Variants in ANO6 observed in about 807,000 individuals in gnomAD.
ANO6 encodes anoctamin 6.
A neutral mutation model predicts 117.5 loss-of-function variants in ANO6; 106 were observed. The observed-to-expected ratio is 0.90, with a 90% CI of 0.77 to 1.06. ANO6 has a LOEUF of 1.06. ANO6 is among the 50% of genes least tolerant of loss of function. The pLI is 0.00. For missense variants in ANO6, 955 were observed against 1,121.1 expected (o/e 0.85, Z 2.12); for synonymous variants, 367 against 385.1 (o/e 0.95, Z 0.55).
chr12:45,413,415 A>G (rs1265045882), intron 16 of ANO6, among the ~76,000 whole-genome samples: 1 of 152,244 alleles, frequency 6.6e-6, no homozygotes, highest in Admixed American at 6.5e-5. Flanking sequence ...TCTCTAGGAA[A>G]TGCCTAAGTG....
In ANO6 at chr12:45,401,854, T is replaced by C. The variant is rs1592021560; in HGVS notation, c.1446T>C (p.Ile482=). The change falls in exon 13 of 20, where the codon ATT becomes ATC. Residue 482 remains isoleucine (I), a synonymous_variant. Transcript: ENST00000320560. ...GIIVYRLSVF[I]VFSAKLPKNI... ...TTGTCTATAGGCTCTCGGTGTTCAT[T>C]GTATTTTCTGCAAAACTTCCCAAGA... The C allele has an allele frequency of 1.2e-6, 2 of 1,614,052 alleles. No homozygotes were observed. Among genetic ancestry groups the C allele is most frequent in the Non-Finnish European group, 1.7e-6 (2 of 1,180,004 alleles).
chr12:45,338,283 G>C (rs1940883278), intron 3 of ANO6, among the ~76,000 whole-genome samples: 1 of 152,084 alleles, frequency 6.6e-6, no homozygotes, highest in Non-Finnish European at 1.5e-5. Context: ...TAAAGAGGAA[G>C]GCATGATTGC....
intron 12 of ANO6, among the ~76,000 whole-genome samples, chr12:45,397,578 A>G (rs1942655825): frequency 6.6e-6 from 1 of 152,248 alleles, no homozygotes; most frequent in African/African-American, 2.4e-5. Flanking sequence ...AAGACTTGGA[A>G]CCAACCCAAA....
intron 1 of ANO6, among the ~76,000 whole-genome samples, chr12:45,253,216 C>T (rs969728776): frequency 6.6e-6 from 1 of 152,164 alleles, no homozygotes; most frequent in Non-Finnish European, 1.5e-5. Flanking sequence ...ATAAGTATTA[C>T]ATTGTCACTG....
intron 7 of ANO6, among the ~76,000 whole-genome samples, chr12:45,352,800 A>C (rs534199644): frequency 6.6e-6 from 1 of 152,130 alleles, no homozygotes; most frequent in Admixed American, 6.6e-5. Flanking sequence ...CCCCAAAAAA[A>C]CTTAATGGTT....
intron 9 of ANO6, among the ~76,000 whole-genome samples, 177 bp downstream of exon 9, chr12:45,367,970 T>C (rs1320073748): frequency 6.6e-6 from 1 of 152,240 alleles, no homozygotes; most frequent in African/African-American, 2.4e-5. Flanking sequence ...TTACAAATAA[T>C]AAAATTGTGA....
At chr12:45,256,015 G>A (rs1355523920) in intron 1 of ANO6, among the ~76,000 whole-genome samples, 2 of 151,868 alleles carry the variant, frequency 1.3e-5, no homozygotes, top group East Asian at 3.9e-4. Context: ...TAGAGACAGG[G>A]GTTTTGCCAT....
intron 2 of ANO6, among the ~76,000 whole-genome samples, chr12:45,306,429 A>G (rs1204418792): frequency 6.6e-6 from 1 of 152,186 alleles, no homozygotes; most frequent in East Asian, 1.9e-4. Flanking sequence ...CTAAATAGAA[A>G]AATAGGCTCA....
At chr12:45,393,550 C>A (rs923971815) in intron 12 of ANO6, among the ~76,000 whole-genome samples, 1 of 152,150 alleles carries the variant, frequency 6.6e-6, no homozygotes, top group African/African-American at 2.4e-5. Flanking sequence ...TTGTCAGATT[C>A]ACCAAGGTTG....
At chr12:45,267,405 T>C (rs527949572) in intron 1 of ANO6, among the ~76,000 whole-genome samples, 1 of 152,326 alleles carries the variant, frequency 6.6e-6, no homozygotes, top group Non-Finnish European at 1.5e-5. Flanking sequence ...GACCCTGTCT[T>C]TTCCAAATCC....
At chr12:45,272,295 C>T (rs1592901830) in intron 1 of ANO6, among the ~76,000 whole-genome samples, 2 of 151,446 alleles carry the variant, frequency 1.3e-5, no homozygotes, top group African/African-American at 4.9e-5. Context: ...CTCAGCAGTG[C>T]ATTCTGGAAG....
At chr12:45,293,227 T>G (rs1032959530) in intron 1 of ANO6, among the ~76,000 whole-genome samples, 22 of 152,210 alleles carry the variant, frequency 1.4e-4, no homozygotes, top group Admixed American at 2.0e-4. Context: ...ATTTGTTTAT[T>G]TTCTCATTTA....
chr12:45,340,236 C>T (rs73093306), intron 3 of ANO6, among the ~76,000 whole-genome samples: 6,956 of 152,156 alleles, frequency 0.046, 214 homozygotes, highest in Non-Finnish European at 0.07. Flanking sequence ...CTTTATTAAC[C>T]TCTCAAAAGA....
At chr12:45,437,813 A>G (rs1409159218) in intron 19 of ANO6, among the ~76,000 whole-genome samples, 1 of 151,954 alleles carries the variant, frequency 6.6e-6, no homozygotes, top group Non-Finnish European at 1.5e-5. Flanking sequence ...CAGACAATCC[A>G]CCCACCTTGC....
chr12:45,262,557 T>G (rs1456394400), intron 1 of ANO6, among the ~76,000 whole-genome samples: 1 of 152,120 alleles, frequency 6.6e-6, no homozygotes, highest in African/African-American at 2.4e-5. Flanking sequence ...CCCGAGCAGC[T>G]GGGATTACAG....
chr12:45,415,755 G>A lies in ANO6; in HGVS notation c.2012-944G>A, dbSNP rs148111819. Among the ~76,000 whole-genome samples, 298 of 152,162 alleles carry A rather than the reference G, an allele frequency of 2.0e-3. 2 individuals carry two copies. Among genetic ancestry groups the A allele is most frequent in the African/African-American group, 6.8e-3 (281 of 41,508 alleles). On this transcript the variant is annotated intron_variant, in intron 16 of 19. Coordinates refer to ENST00000320560, the MANE Select transcript of ANO6 (RefSeq NM_001025356.3). ...AGCAAATGCCAGCTCTGCTTGCCTCGCCACACCCTCCACAGCCTTGCCCTT... is the reference window on the plus strand; with the variant it reads ...AGCAAATGCCAGCTCTGCTTGCCTCACCACACCCTCCACAGCCTTGCCCTT...
intron 1 of ANO6, among the ~76,000 whole-genome samples, chr12:45,263,577 A>G (rs775512717): frequency 4.3e-4 from 65 of 152,190 alleles, no homozygotes; most frequent in Admixed American, 9.8e-4. Context: ...TAGGAGCTGC[A>G]CCAAGGATTT....
chr12:45,247,306 C>T (rs1947840507), intron 1 of ANO6, among the ~76,000 whole-genome samples: 1 of 152,102 alleles, frequency 6.6e-6, no homozygotes, highest in Admixed American at 6.6e-5. Context: ...TAAGAAGGTG[C>T]ATAAAGACAG....
intron 12 of ANO6, among the ~76,000 whole-genome samples, chr12:45,396,464 A>C (rs1435139357): frequency 6.6e-6 from 1 of 152,234 alleles, no homozygotes; most frequent in East Asian, 1.9e-4. Flanking sequence ...GCTACCAATG[A>C]CTTTCTTCAC....
Sources: allele counts gnomAD v4.1 joint callset (sites outside exome capture counted in the v4.1 genomes callset), GRCh38; gene constraint gnomAD v4.1.1; transcripts MANE v1.5; gene names NCBI Gene and HGNC (gene_info 2026-07-23, HGNC 2026-07-21).